The following SMPDL3A variants were observed in gnomAD, a reference collection of about 807,000 sequenced individuals.
The protein encoded by SMPDL3A is cyclic GMP-AMP phosphodiesterase SMPDL3A.
In SMPDL3A, 39 loss-of-function variants were observed where a neutral mutation model predicts 38.5. The ratio of observed to expected loss-of-function variants is 1.01; its 90% CI spans 0.78 to 1.32. The LOEUF (loss-of-function observed/expected upper bound fraction) is 1.32. Among genes scored for constraint, SMPDL3A ranks in the 40% most tolerant of loss-of-function variants. The pLI is 0.00. For synonymous variants in SMPDL3A, 180 were observed against 194.3 expected, an observed-to-expected ratio of 0.93 and a Z score of 0.61; for missense variants, 502 against 536.2, an observed-to-expected ratio of 0.94 and a Z score of 0.63.
At chr6:122,794,603 A>C (rs6928975) in intron 1 of SMPDL3A, among the ~76,000 whole-genome samples, 21,999 of 151,980 alleles carry the variant, frequency 0.14, 2,798 homozygotes, top group African/African-American at 0.34. Context: ...TCTCAAAAAA[A>C]ACACACACAA....
In SMPDL3A at chr6:122,803,718, T is replaced by G. The variant is rs1781499234; in HGVS notation, c.623T>G (p.Leu208Arg). Residue 208 changes from leucine (L) to arginine (R), a missense_variant, in exon 5 of 8, where the codon CTA (leucine) becomes CGA (arginine). By Grantham distance (102) the Leu-to-Arg change is moderately radical. Transcript: ENST00000368440. ...TTNPNLRIIS[L>R]NTNLYYGPNI... ...AATCCAAACCTTAGGATCATCAGTC[T>G]AAACACAAACTTGTACTACGGCCCA... 20 of 1,614,040 alleles carry G rather than the reference T, an allele frequency of 1.2e-5. No individual in the cohort carries two copies. Among genetic ancestry groups the G allele is most frequent in the Non-Finnish European group, 1.7e-5 (20 of 1,179,940 alleles).
chr6:122,808,969 C>T lies in SMPDL3A; in HGVS notation c.1045-122C>T. 3 of 762,332 alleles carry T rather than the reference C, an allele frequency of 3.9e-6. No homozygotes were observed. In the South Asian group the frequency reaches 5.4e-5, roughly 14 times the overall value. 47.2% of individuals were successfully genotyped at this position (762,332 alleles called of 1,614,324 possible). A position where few individuals can be genotyped will look rare whatever the true frequency, so the allele number is the denominator to read the frequency against. On this transcript the variant is annotated intron_variant, in intron 7 of 7. Coordinates refer to ENST00000368440, the MANE Select transcript of SMPDL3A (RefSeq NM_006714.5). ...TCAGCCTCTCAAAGTGCTAGGATTA[C>T]AGGCGTGAGCCACAGCGCCAAGCCT...
chr6:122,801,237 C>T (rs1781420311), intron 3 of SMPDL3A, 73 bp from the exon 4 acceptor site: 16 of 1,029,572 alleles, frequency 1.6e-5, no homozygotes, highest in Non-Finnish European at 2.3e-5. Context: ...GTAGTCAGTG[C>T]TCAAGTAGTG....
chr6:122,799,301 G>A (rs541796699), intron 3 of SMPDL3A, among the ~76,000 whole-genome samples: 4 of 152,308 alleles, frequency 2.6e-5, no homozygotes, highest in African/African-American at 9.6e-5. Flanking sequence ...CAGTGGTTAT[G>A]TCACAGCCAA....
intron 3 of SMPDL3A, among the ~76,000 whole-genome samples, chr6:122,798,633 G>A (rs1193737983): frequency 1.3e-5 from 2 of 152,154 alleles, no homozygotes; most frequent in Non-Finnish European, 2.9e-5. Context: ...TTACTATCTG[G>A]CACAGCATCA....
At chr6:122,803,583 G>A in intron 4 of SMPDL3A, 81 bp from the exon 5 acceptor site, 3 of 1,044,192 alleles carry the variant, frequency 2.9e-6, no homozygotes, top group South Asian at 1.5e-5. Flanking sequence ...TGACTGGATT[G>A]TAAACCTCAG....
intron 6 of SMPDL3A, among the ~76,000 whole-genome samples, chr6:122,805,818 C>T (rs985419235): frequency 2.0e-5 from 3 of 152,170 alleles, no homozygotes; most frequent in Admixed American, 2.0e-4. Context: ...AGGTCTCGAT[C>T]TCTTGACCTA....
chr6:122,797,058 TG>T, intron 3 of SMPDL3A, 90 bp downstream of exon 3: 1 of 1,058,592 alleles, frequency 9.4e-7, no homozygotes, highest in South Asian at 1.4e-5. Flanking sequence ...TGATAGGGCA[TG>T]GGAATGGGTC....
Position 122,789,276 on chromosome 6 carries a change from A to T in SMPDL3A, c.-71A>T. On this transcript the variant is annotated 5_prime_UTR_variant, in exon 1 of 8. Transcript: ENST00000368440. ...CGCAGCCGTCTTCTGTCTCCGCCTC[A>T]CCCTCAGGCCTGACGGTCCGAGTGG... 2 of 1,097,310 alleles carry T rather than the reference A, an allele frequency of 1.8e-6. No individual in the cohort carries two copies. The highest frequency in any genetic ancestry group is 2.7e-5 in the East Asian group (1 of 37,118). The allele number at this position is 1,097,310 out of a possible 1,614,324, so 68.0% of individuals were successfully genotyped here. A position where few individuals can be genotyped will look rare whatever the true frequency, so the allele number is the denominator to read the frequency against.
rs538190614 is a variant in SMPDL3A at position 122,796,915 on chromosome 6, T to C, written c.418T>C (p.Phe140Leu). The C allele has an allele frequency of 6.2e-7, 1 of 1,613,660 alleles. No homozygotes were observed. The highest frequency in any genetic ancestry group is 1.7e-5 in the Admixed American group (1 of 60,014). The change falls in exon 3 of 8, where the codon TTT (phenylalanine) becomes CTT (leucine). Residue 140 changes from phenylalanine (F) to leucine (L), a missense_variant. Phe to Leu is a conservative substitution (Grantham distance 22). Transcript: ENST00000368440. ...TATGACAACCACCATCCAGAGTCTC[T>C]TTCCAAATCTCCAGGTTTTCCCTGC... ...TNMTTTIQSL[F>L]PNLQVFPALG...
Position 122,809,091 on chromosome 6 carries a change from G to T in SMPDL3A, c.1045G>T (p.Asp349Tyr), listed in dbSNP as rs769254839. 1 of 1,611,748 alleles carries T rather than the reference G, an allele frequency of 6.2e-7. No homozygotes were observed. The highest frequency in any genetic ancestry group is 8.5e-7 in the Non-Finnish European group (1 of 1,177,972). ...GTTTTGTTACTGTTCTTAACTGCAG[G>T]ATATGTTGCAGTATTACTTGAATCT... Reference protein sequence around the residue: ...QYDPRDYKLLDMLQYYLNLTE... With the variant: ...QYDPRDYKLLYMLQYYLNLTE... Residue 349 changes from aspartate to tyrosine, a missense_variant and splice_region_variant, in exon 8 of 8, where the codon GAT becomes TAT. Physicochemically the swap from Asp to Tyr is radical, Grantham distance 160. Transcript: ENST00000368440.
chr6:122,807,158 TCCAAATTGCTGGTATTACAGATGTGAGC>T lies in SMPDL3A; in HGVS notation c.1044+803_1044+830del, dbSNP rs1269156967. ...TCAAGTGATCCTCCCACATTGGCCT[TCCAAATTGCTGGTATTACAGATGTGAGC>T]CACTGGGCACACCCAAAAAATTTTT... On this transcript the variant is annotated intron_variant, in intron 7 of 7. Coordinates refer to ENST00000368440, the MANE Select transcript of SMPDL3A (RefSeq NM_006714.5). Among the ~76,000 whole-genome samples, 9 of 152,070 alleles carry T rather than the reference TCCAAATTGCTGGTATTACAGATGTGAGC, an allele frequency of 5.9e-5. No individual in the cohort carries two copies. The East Asian group carries it at 1.5e-3, about 26-fold the overall frequency.
intron 1 of SMPDL3A, among the ~76,000 whole-genome samples, chr6:122,790,843 C>G (rs66582163): frequency 0.28 from 42,982 of 151,958 alleles, 7,023 homozygotes; most frequent in South Asian, 0.46. Context: ...CCTGAATGAG[C>G]GCTTTCTGGG....
chr6:122,804,917 C>T lies in SMPDL3A; in HGVS notation c.747C>T (p.Ile249=). Residue 249 remains isoleucine (I), a synonymous_variant, in exon 6 of 8, where the codon ATC becomes ATT. Coordinates refer to ENST00000368440, the MANE Select transcript of SMPDL3A (RefSeq NM_006714.5). ...TGTGTTTCTTTTTCCAGGTGTATAT[C>T]ATAGCACATGTTCCAGTGGGGTATC... ...NSQQNKEKVY[I]IAHVPVGYLP... 6.2e-7 allele frequency: 1 copy of T among 1,610,206 alleles called. No individual in the cohort carries two copies.
rs1242985094 is a variant in SMPDL3A, at chr6:122,789,423, C to A, written c.77C>A (p.Ala26Glu). ...CGCTCCGGCCTCGGGCTGCCCGTGG[C>A]GCCCGCAGGCGGCAGGAATCCTCCT... ...HCRSGLGLPV[A>E]PAGGRNPPPA... is the part of the protein sequence containing the mutation. Residue 26 changes from alanine (A) to glutamate (E), a missense_variant, in exon 1 of 8, where the codon GCG becomes GAG. Coordinates refer to ENST00000368440, the MANE Select transcript of SMPDL3A (RefSeq NM_006714.5). The A allele has an allele frequency of 6.5e-7, 1 of 1,549,318 alleles. No individual in the cohort carries two copies. The highest frequency in any genetic ancestry group is 2.0e-5 in the Admixed American group (1 of 50,974).
chr6:122,806,434 C>G (rs1781624176), intron 7 of SMPDL3A, 77 bp downstream of exon 7: 1 of 1,420,942 alleles, frequency 7.0e-7, no homozygotes, highest in Non-Finnish European at 9.7e-7. Context: ...TTGAATTTTT[C>G]TCAGGACAGT....
intron 6 of SMPDL3A, among the ~76,000 whole-genome samples, chr6:122,805,686 G>A (rs753842593): frequency 1.6e-4 from 24 of 152,154 alleles, no homozygotes; most frequent in Admixed American, 3.3e-4. Context: ...CGCACCCTGC[G>A]ATCTCGGCTC....
chr6:122,790,855 A>G (rs1781054237), intron 1 of SMPDL3A, among the ~76,000 whole-genome samples: 1 of 151,960 alleles, frequency 6.6e-6, no homozygotes. Flanking sequence ...CTTTCTGGGG[A>G]CTCTGTGAGT....
In SMPDL3A at chr6:122,795,681, G is replaced by A. The variant is rs751586436; in HGVS notation, c.117G>A (p.Gln39=). 4 of 1,613,232 alleles carry A rather than the reference G, an allele frequency of 2.5e-6. No individual in the cohort carries two copies. The highest frequency in any genetic ancestry group is 2.2e-5 in the South Asian group (2 of 90,912). The change falls in exon 2 of 8, where the codon CAG becomes CAA. Residue 39 remains glutamine, a synonymous_variant. Coordinates refer to ENST00000368440, the MANE Select transcript of SMPDL3A (RefSeq NM_006714.5). ...CATTTTTTGTGTAATCAACAGGACAGTTTTGGCATGTGACTGACTTACACT... is the reference window on the plus strand; with the variant it reads ...CATTTTTTGTGTAATCAACAGGACAATTTTGGCATGTGACTGACTTACACT... ...GGRNPPPAIG[Q]FWHVTDLHLD...
Sources: gnomAD v4.1 joint callset for allele counts (sites outside exome capture counted in the v4.1 genomes callset) on GRCh38, gnomAD v4.1.1 for gene constraint, MANE v1.5 for transcripts, NCBI Gene and HGNC (gene_info 2026-07-23, HGNC 2026-07-21) for gene names.